The following NPM1 variants were observed in gnomAD, a reference collection of about 807,000 sequenced individuals.
NPM1 encodes the protein nucleophosmin.
NPM1 carries 1 observed loss-of-function variant against 44.1 expected under a neutral mutation model. The observed-to-expected ratio is 0.02, with a 90% confidence interval of 0.01 to 0.11. NPM1 has a LOEUF of 0.11. NPM1 is among the 10% of genes least tolerant of loss of function. The pLI is 1.00. For missense variants in NPM1, 197 were observed against 347.8 expected (o/e 0.57, Z 3.45); for synonymous variants, 126 against 111.8 (o/e 1.13, Z -0.80).
intron 1 of NPM1, among the ~76,000 whole-genome samples, chr5:171,389,618 T>C (rs1226011395): frequency 6.6e-6 from 1 of 152,238 alleles, no homozygotes; most frequent in Non-Finnish European, 1.5e-5. Context: ...TTGTCATTTT[T>C]CTTTTGTAAT....
intron 8 of NPM1, among the ~76,000 whole-genome samples, chr5:171,402,011 A>T (rs1424985722): frequency 6.7e-6 from 1 of 150,032 alleles, no homozygotes; most frequent in East Asian, 2.0e-4. Flanking sequence ...GCATCAGACT[A>T]CAGTGACTTT....
At chr5:171,404,647 C>A (rs955545564) in intron 8 of NPM1, among the ~76,000 whole-genome samples, 1 of 132,504 alleles carries the variant, frequency 7.5e-6, no homozygotes, top group Admixed American at 7.7e-5. Context: ...TCCTCACTTT[C>A]CAGACTGGGC....
intron 8 of NPM1, among the ~76,000 whole-genome samples, chr5:171,401,139 C>G (rs538264849): frequency 6.6e-6 from 1 of 152,108 alleles, no homozygotes; most frequent in South Asian, 2.1e-4. Context: ...GGTGGGATCA[C>G]CTGAGGTCAG....
chr5:171,410,792 T>C lies in NPM1; in HGVS notation c.*227T>C, dbSNP rs1771790993. 1 of 442,384 alleles carries C rather than the reference T, an allele frequency of 2.3e-6. No individual in the cohort carries two copies. Among genetic ancestry groups the C allele is most frequent in the South Asian group, 4.4e-5 (1 of 22,666 alleles). The allele number at this position is 442,384 out of a possible 1,614,324, so 27.4% of individuals were successfully genotyped here. A position where few individuals can be genotyped will look rare whatever the true frequency, so the allele number is the denominator to read the frequency against. On this transcript the variant is annotated 3_prime_UTR_variant, in exon 11 of 11. Transcript: ENST00000296930. ...GGTTTTAAGTATGTATGGAATGTTA[T>C]GATAGGACATAGTAGTAGCGGTGGT...
intron 8 of NPM1, among the ~76,000 whole-genome samples, chr5:171,403,852 C>T (rs1409928008): frequency 1.0e-4 from 6 of 57,326 alleles, no homozygotes; most frequent in East Asian, 1.4e-3. Flanking sequence ...GGCGGCTGGC[C>T]GGGCGGAGGG....
At chr5:171,409,258 G>C (rs564853318) in intron 10 of NPM1, among the ~76,000 whole-genome samples, 2 of 152,292 alleles carry the variant, frequency 1.3e-5, no homozygotes, top group African/African-American at 4.8e-5. Context: ...TTTTGACATA[G>C]AGATGCATGA....
At chr5:171,387,387 G>A (rs1770267981), upstream of NPM1, among the ~76,000 whole-genome samples, 1 of 152,334 alleles carries the variant, frequency 6.6e-6, no homozygotes, top group South Asian at 2.1e-4. Context: ...CCTGTTTGGA[G>A]GCTTGCAGGG....
At chr5:171,387,216 A>G (rs1770255336), upstream of NPM1, 1 of 152,220 alleles carries the variant, frequency 6.6e-6, no homozygotes, top group Non-Finnish European at 1.5e-5. Context: ...GGAAGGACAG[A>G]GCTGAAAAAC....
chr5:171,398,304 T>C (rs953066318), intron 6 of NPM1, among the ~76,000 whole-genome samples: 1 of 152,216 alleles, frequency 6.6e-6, no homozygotes, highest in Admixed American at 6.5e-5. Flanking sequence ...ATTTGCCCCC[T>C]TAATTCTGAG....
Position 171,391,424 on chromosome 5 carries a change from G to A in NPM1, c.258G>A (p.Thr86=), listed in dbSNP as rs750264549. 22 of 1,606,236 alleles carry A rather than the reference G, an allele frequency of 1.4e-5. No individual in the cohort carries two copies. The Admixed American group carries it at 3.2e-4, about 23-fold the overall frequency. ...LATLKMSVQP[T]VSLGGFEITP... ...CTTTGAAAATGTCTGTACAGCCAAC[G>A]GTAAGGGCACTTACATACTTTGGAT... The change falls in exon 3 of 11, where the codon ACG becomes ACA. Residue 86 remains threonine, a splice_region_variant and synonymous_variant. Transcript: ENST00000296930.
rs772573379 is a variant in NPM1 at position 171,410,505 on chromosome 5, ATTTC to A, written c.847-18_847-15del. ...TGAAGTGTTGTGGTTCCTTAACCAC[ATTTC>A]TTTTTTTTTTTTTCCAGGCTATTCA... On this transcript the variant is annotated intron_variant, in intron 10 of 10. Transcript: ENST00000296930. 165 of 1,492,596 alleles carry A rather than the reference ATTTC, an allele frequency of 1.1e-4. 1 individual carries two copies. In the East Asian group the frequency reaches 2.9e-3, roughly 26 times the overall value. The allele number at this position is 1,492,596 out of a possible 1,614,324, so 92.5% of individuals were successfully genotyped here.
At position 171,392,712 on chromosome 5, in the gene NPM1, G is replaced by A. The variant is rs1315698538; in HGVS notation, c.355G>A (p.Val119Met). ...ATGTCTAATAAATTGTATTTTAGCT[G>A]TGGAGGAAGATGCAGAGTCAGAAGA... Reference protein sequence around the residue: ...VHISGQHLVAVEEDAESEDEE... With the variant: ...VHISGQHLVAMEEDAESEDEE... The change falls in exon 5 of 11, where the codon GTG (valine) becomes ATG (methionine). Residue 119 changes from valine to methionine, a missense_variant and splice_region_variant. This residue lies in a region of NPM1 where 2 missense variants were observed against 21.4 expected (regional missense o/e 0.09). Transcript: ENST00000296930. 1 of 1,602,038 alleles carries A rather than the reference G, an allele frequency of 6.2e-7. No individual in the cohort carries two copies. Among genetic ancestry groups the A allele is most frequent in the South Asian group, 1.1e-5 (1 of 90,356 alleles).
chr5:171,391,815 A>C lies in NPM1; in HGVS notation c.352+16A>C, dbSNP rs1322069827. ...CACTTAGTAGGTATGTTATTTTTAT[A>C]TATTATACTACTTAGTTTGTCCTCT... On this transcript the variant is annotated intron_variant, in intron 4 of 10. Coordinates refer to ENST00000296930, the MANE Select transcript of NPM1 (RefSeq NM_002520.7). 1.4e-6 allele frequency: 2 copies of C among 1,466,462 alleles called. No individual in the cohort carries two copies. The highest frequency in any genetic ancestry group is 4.5e-5 in the East Asian group (2 of 44,194). The allele number at this position is 1,466,462 out of a possible 1,614,324, so 90.8% of individuals were successfully genotyped here. A position where few individuals can be genotyped will look rare whatever the true frequency, so the allele number is the denominator to read the frequency against.
chr5:171,397,236 T>TTA (rs1482329663), intron 6 of NPM1, among the ~76,000 whole-genome samples: 1 of 152,224 alleles, frequency 6.6e-6, no homozygotes, highest in African/African-American at 2.4e-5. Flanking sequence ...AGTACTCCAT[T>TTA]TATTTATATG....
intron 9 of NPM1, 25 bp downstream of exon 9, chr5:171,405,428 C>A: frequency 9.6e-7 from 1 of 1,038,220 alleles, no homozygotes; most frequent in South Asian, 1.4e-5. Flanking sequence ...CTTAAAAAAA[C>A]TTTGTCTCCC....
intron 8 of NPM1, among the ~76,000 whole-genome samples, chr5:171,404,369 A>T (rs1771448073): frequency 1.4e-5 from 1 of 73,016 alleles, no homozygotes; most frequent in African/African-American, 5.9e-5. Flanking sequence ...GGGGCTCCTC[A>T]CTTCTCAGAC....
intron 6 of NPM1, among the ~76,000 whole-genome samples, chr5:171,394,411 C>T (rs758599669): frequency 6.6e-6 from 1 of 151,994 alleles, no homozygotes; most frequent in Non-Finnish European, 1.5e-5. Flanking sequence ...TAACCTCGGG[C>T]GATCTGGTCA....
At chr5:171,388,216 AG>A (rs1186009427) in intron 1 of NPM1, among the ~76,000 whole-genome samples, 5 of 151,906 alleles carry the variant, frequency 3.3e-5, no homozygotes, top group African/African-American at 1.2e-4. Flanking sequence ...GGAGGAGACG[AG>A]CGGCCTGAAG....
intron 6 of NPM1, 138 bp downstream of exon 6, chr5:171,393,116 AGGT>A: frequency 8.8e-7 from 1 of 1,136,390 alleles, no homozygotes. Context: ...ATAAAAGGGC[AGGT>A]GGTCATCTGT....
Sources: allele counts gnomAD v4.1 joint callset (sites outside exome capture counted in the v4.1 genomes callset), GRCh38; gene constraint gnomAD v4.1.1; regional missense constraint gnomAD v4.1.1; transcripts MANE v1.5; gene names NCBI Gene and HGNC (gene_info 2026-07-23, HGNC 2026-07-21).